Variants in PDE3A observed in about 807,000 individuals in gnomAD.
The protein encoded by PDE3A is cGMP-inhibited 3',5'-cyclic phosphodiesterase 3A.
A neutral mutation model predicts 98.3 loss-of-function variants in PDE3A; 43 were observed. That is an observed-to-expected ratio of 0.44 (90% CI 0.34 to 0.56). PDE3A has a LOEUF of 0.56. Among genes scored for constraint, PDE3A ranks in the 20% least tolerant of loss-of-function variants. The pLI is 0.01. For missense variants in PDE3A, 1,427 were observed against 1,440.7 expected (o/e 0.99, Z 0.15); for synonymous variants, 663 against 567.9 (o/e 1.17, Z -2.38).
intron 2 of PDE3A, among the ~76,000 whole-genome samples, chr12:20,585,513 C>A (rs1036900354): frequency 6.6e-6 from 1 of 152,148 alleles, no homozygotes; most frequent in Non-Finnish European, 1.5e-5. Flanking sequence ...TGTCAACAGA[C>A]CTGTGTTTCA....
At chr12:20,588,875 T>C (rs1471173812) in intron 2 of PDE3A, among the ~76,000 whole-genome samples, 4 of 152,158 alleles carry the variant, frequency 2.6e-5, no homozygotes, top group African/African-American at 9.7e-5. Flanking sequence ...TTTACTTATT[T>C]TTTGCCTGGA....
intron 2 of PDE3A, among the ~76,000 whole-genome samples, chr12:20,561,852 T>C (rs536774788): frequency 1.3e-5 from 2 of 152,322 alleles, no homozygotes; most frequent in South Asian, 4.1e-4. Flanking sequence ...CTTAATTGCA[T>C]ATGACTTTTT....
At chr12:20,660,877 T>C (rs1352319166) in intron 15 of PDE3A, among the ~76,000 whole-genome samples, 2 of 152,028 alleles carry the variant, frequency 1.3e-5, no homozygotes, top group African/African-American at 4.8e-5. Context: ...TTGGTACTGG[T>C]AGAGTTGGGT....
intron 5 of PDE3A, among the ~76,000 whole-genome samples, chr12:20,625,996 C>T (rs751855535): frequency 2.6e-5 from 4 of 152,002 alleles, no homozygotes; most frequent in Non-Finnish European, 5.9e-5. Flanking sequence ...TGAGAGAATG[C>T]ATGTTTATCG....
intron 2 of PDE3A, among the ~76,000 whole-genome samples, chr12:20,589,304 GA>G (rs1010067301): frequency 1.3e-5 from 2 of 151,268 alleles, no homozygotes; most frequent in Non-Finnish European, 2.9e-5. Flanking sequence ...ATTGGAAATT[GA>G]AAAAAAAGTG....
At chr12:20,611,227 A>G (rs1056275587) in intron 2 of PDE3A, among the ~76,000 whole-genome samples, 1 of 34,558 alleles carries the variant, frequency 2.9e-5, no homozygotes, top group African/African-American at 8.0e-5. Context: ...GAAAAATAAA[A>G]TTAACCCTAT....
intron 1 of PDE3A, among the ~76,000 whole-genome samples, chr12:20,487,948 G>T (rs1035334317): frequency 6.6e-6 from 1 of 152,062 alleles, no homozygotes; most frequent in Non-Finnish European, 1.5e-5. Context: ...ATTCTCATCA[G>T]TTGGAATTAT....
intron 1 of PDE3A, among the ~76,000 whole-genome samples, chr12:20,511,444 A>T (rs987023538): frequency 1.3e-5 from 2 of 151,186 alleles, no homozygotes; most frequent in African/African-American, 4.9e-5. Context: ...ACACACACAC[A>T]CATACACACA....
chr12:20,639,340 T>C (rs1272288531), intron 9 of PDE3A, among the ~76,000 whole-genome samples: 1 of 151,954 alleles, frequency 6.6e-6, no homozygotes, highest in Non-Finnish European at 1.5e-5. Context: ...AAAAACAGAG[T>C]AATATATTGA....
chr12:20,432,194 T>G (rs1249137366), intron 1 of PDE3A, among the ~76,000 whole-genome samples: 1 of 152,220 alleles, frequency 6.6e-6, no homozygotes, highest in Non-Finnish European at 1.5e-5. Context: ...TTAGATACTC[T>G]TTTCAATGAT....
chr12:20,672,522 C>G (rs1196573797), intron 15 of PDE3A, among the ~76,000 whole-genome samples: 1 of 151,824 alleles, frequency 6.6e-6, no homozygotes, highest in African/African-American at 2.4e-5. Context: ...TGGAACAGAA[C>G]AGAGCCCTCA....
chr12:20,449,724 C>T (rs765355289), intron 1 of PDE3A: 6 of 475,024 alleles, frequency 1.3e-5, no homozygotes, highest in Non-Finnish European at 2.3e-5. Flanking sequence ...TATTATTCAG[C>T]TAGGTCAGCC....
chr12:20,492,297 A>G (rs1945841182), intron 1 of PDE3A, among the ~76,000 whole-genome samples: 1 of 152,162 alleles, frequency 6.6e-6, no homozygotes, highest in South Asian at 2.1e-4. Context: ...TAGTCTTTCA[A>G]TACTAAAATG....
At chr12:20,575,811 A>G (rs2121325055) in intron 2 of PDE3A, among the ~76,000 whole-genome samples, 1 of 152,014 alleles carries the variant, frequency 6.6e-6, no homozygotes. Flanking sequence ...AATGAGCTCA[A>G]GTTACAGATT....
At chr12:20,562,766 T>G (rs1942561152) in intron 2 of PDE3A, among the ~76,000 whole-genome samples, 1 of 152,182 alleles carries the variant, frequency 6.6e-6, no homozygotes, top group Non-Finnish European at 1.5e-5. Context: ...CTGTATTAGC[T>G]GGACTTAAAA....
At chr12:20,375,561 C>T (rs1943555593) in intron 1 of PDE3A, among the ~76,000 whole-genome samples, 1 of 151,746 alleles carries the variant, frequency 6.6e-6, no homozygotes, top group African/African-American at 2.4e-5. Context: ...GAATGTATAC[C>T]ACTGTTTTAA....
chr12:20,423,647 G>A (rs1479125091), intron 1 of PDE3A, among the ~76,000 whole-genome samples: 5 of 152,110 alleles, frequency 3.3e-5, no homozygotes, highest in Admixed American at 3.3e-4. Context: ...GAGCTGGTGA[G>A]TGGCTAATCT....
chr12:20,643,764 A>G (rs1213262751), intron 10 of PDE3A, among the ~76,000 whole-genome samples: 1 of 151,936 alleles, frequency 6.6e-6, no homozygotes, highest in Admixed American at 6.6e-5. Context: ...TTCTTCTTGT[A>G]TTTTCGGCAC....
intron 3 of PDE3A, 22 bp downstream of exon 3, chr12:20,613,722 C>T: frequency 6.3e-7 from 1 of 1,589,476 alleles, no homozygotes; most frequent in Non-Finnish European, 8.6e-7. Flanking sequence ...TGACATACCC[C>T]TTAAAGGGTT....
Sources: gnomAD v4.1 joint callset for allele counts (sites outside exome capture counted in the v4.1 genomes callset) on GRCh38, gnomAD v4.1.1 for gene constraint, MANE v1.5 for transcripts, NCBI Gene and HGNC (gene_info 2026-07-23, HGNC 2026-07-21) for gene names.